UBE2V1: variants seen among roughly 807,000 people sequenced by gnomAD.
UBE2V1 encodes ubiquitin conjugating enzyme E2 V1, also known as ubiquitin-conjugating enzyme E2 variant 1.
UBE2V1 carries 15 observed loss-of-function variants against 19.6 expected under a neutral mutation model. The observed-to-expected ratio is 0.77, with a 90% CI of 0.51 to 1.18. The LOEUF (loss-of-function observed/expected upper bound fraction) is 1.18, where lower values mean the gene tolerates loss of function less well. UBE2V1 is among the 50% of genes most tolerant of loss of function. The pLI is 0.00. For missense variants in UBE2V1, 125 were observed against 184.8 expected (o/e 0.68, Z 1.88); for synonymous variants, 60 against 60.7 (o/e 0.99, Z 0.05).
chr20:50,093,720 G>A (rs1269965871), intron 2 of UBE2V1, among the ~76,000 whole-genome samples: 3 of 151,856 alleles, frequency 2.0e-5, no homozygotes, highest in East Asian at 3.9e-4. Context: ...GGCAGGGCGC[G>A]ATGGCTCACA....
chr20:50,100,046 C>T (rs905163790), intron 1 of UBE2V1, among the ~76,000 whole-genome samples: 2 of 151,370 alleles, frequency 1.3e-5, no homozygotes, highest in East Asian at 3.9e-4. Flanking sequence ...TGCAGTGAGG[C>T]GAGACTGCAC....
At chr20:50,091,150 G>A (rs1407663053) in intron 2 of UBE2V1, among the ~76,000 whole-genome samples, 2 of 152,096 alleles carry the variant, frequency 1.3e-5, no homozygotes, top group Non-Finnish European at 2.9e-5. Flanking sequence ...GGGTTCAAGC[G>A]ATTCTCCCTC....
At chr20:50,108,588 C>T (rs965913439) in intron 1 of UBE2V1, among the ~76,000 whole-genome samples, 1 of 152,182 alleles carries the variant, frequency 6.6e-6, no homozygotes, top group Non-Finnish European at 1.5e-5. Flanking sequence ...ACAATCGATA[C>T]CTGCCTCAAT....
In UBE2V1 at chr20:50,083,245, C is replaced by T. The variant is rs555411318; in HGVS notation, c.298-331G>A. Among the ~76,000 whole-genome samples the T allele has an allele frequency of 1.6e-3, 243 of 152,334 alleles. 7 individuals carry two copies. In the South Asian group the frequency reaches 0.047, roughly 30 times the overall value. ...TGCCGGGCTCAGGACCTGTCCTCTTCACTGCGCCCAGGTCAGGGGGACAGA... is the reference window on the plus strand; with the variant it reads ...TGCCGGGCTCAGGACCTGTCCTCTTTACTGCGCCCAGGTCAGGGGGACAGA... On this transcript the variant is annotated intron_variant, in intron 3 of 3. Transcript: ENST00000371674.
At chr20:50,084,351 G>A in intron 2 of UBE2V1, 97 bp from the exon 3 acceptor site, 1 of 1,596,932 alleles carries the variant, frequency 6.3e-7, no homozygotes, top group Non-Finnish European at 8.5e-7. Context: ...CTGTAGAACT[G>A]GTACATCTGC....
intron 1 of UBE2V1, among the ~76,000 whole-genome samples, chr20:50,112,250 T>G (rs1028201409): frequency 2.6e-5 from 4 of 152,146 alleles, no homozygotes; most frequent in East Asian, 1.9e-4. Context: ...GAATCCCCAC[T>G]CCCAAAGAGA....
At chr20:50,104,034 A>G (rs997573760) in intron 1 of UBE2V1, among the ~76,000 whole-genome samples, 2 of 151,822 alleles carry the variant, frequency 1.3e-5, no homozygotes, top group Non-Finnish European at 2.9e-5. Flanking sequence ...CTGTAATCCC[A>G]GCACTTTGGA....
chr20:50,107,375 T>C (rs2080456709), intron 1 of UBE2V1, among the ~76,000 whole-genome samples: 1 of 152,198 alleles, frequency 6.6e-6, no homozygotes, highest in Admixed American at 6.5e-5. Context: ...TAGCAAGCTG[T>C]CATTCTTTAC....
At chr20:50,087,949 T>C (rs2079016204) in intron 2 of UBE2V1, among the ~76,000 whole-genome samples, 1 of 152,046 alleles carries the variant, frequency 6.6e-6, no homozygotes, top group Non-Finnish European at 1.5e-5. Context: ...GTATAGCCTA[T>C]AAAAGCAGAC....
chr20:50,113,152 C>T (rs1296071734), upstream of UBE2V1: 1 of 1,329,510 alleles, frequency 7.5e-7, no homozygotes, highest in Non-Finnish European at 9.7e-7. Flanking sequence ...TGCTTGAAGG[C>T]CGGCCCCTTC....
intron 1 of UBE2V1, among the ~76,000 whole-genome samples, chr20:50,110,077 G>C (rs575402641): frequency 6.6e-6 from 1 of 152,222 alleles, no homozygotes; most frequent in Non-Finnish European, 1.5e-5. Context: ...AGGCCACTCC[G>C]ATGTATGCAA....
At chr20:50,113,196 T>A (rs2080895208), upstream of UBE2V1, 4 of 1,110,330 alleles carry the variant, frequency 3.6e-6, no homozygotes, top group South Asian at 1.1e-4. Context: ...CCGGCCCTGA[T>A]GCGCAGGCGC....
At chr20:50,104,415 T>C in intron 1 of UBE2V1, 1 of 942,634 alleles carries the variant, frequency 1.1e-6, no homozygotes, top group Non-Finnish European at 1.3e-6. Context: ...CCCAGCACTT[T>C]GGGAGGCCGA....
Position 50,092,172 on chromosome 20 carries a change from A to C in UBE2V1, c.171+4500T>G, listed in dbSNP as rs1429147812. 5.9e-5 allele frequency among the ~76,000 whole-genome samples: 9 copies of C among 151,476 alleles called. 1 individual carries two copies. The highest frequency in any genetic ancestry group is 2.2e-4 in the African/African-American group (9 of 41,270). ...ACCTGTCTCTACTAAAAATATAAAA[A>C]TTAGCCGGGTGTGGTGGTATGTGCC... On this transcript the variant is annotated intron_variant, in intron 2 of 3. Transcript: ENST00000371674.
At chr20:50,102,451 T>A (rs1186614706) in intron 1 of UBE2V1, among the ~76,000 whole-genome samples, 3 of 152,234 alleles carry the variant, frequency 2.0e-5, no homozygotes, top group African/African-American at 2.4e-5. Context: ...TGGGGTGTCA[T>A]GACCCAGAAT....
At chr20:50,087,289 G>C (rs1253814886) in intron 2 of UBE2V1, among the ~76,000 whole-genome samples, 1 of 151,376 alleles carries the variant, frequency 6.6e-6, no homozygotes, top group Non-Finnish European at 1.5e-5. Flanking sequence ...CCAGCTAACC[G>C]GGGGGCTGAG....
intron 1 of UBE2V1, among the ~76,000 whole-genome samples, chr20:50,110,808 C>T (rs2080704293): frequency 6.6e-6 from 1 of 152,150 alleles, no homozygotes; most frequent in Admixed American, 6.5e-5. Context: ...ACATGAAGGC[C>T]TTTTATCCTG....
intron 2 of UBE2V1, chr20:50,096,421 C>T (rs1568993161): frequency 1.2e-6 from 1 of 857,498 alleles, no homozygotes; most frequent in Non-Finnish European, 1.7e-6. Context: ...AATGACTTCA[C>T]ACCTCACTGT....
At chr20:50,112,088 G>A (rs550538363) in intron 1 of UBE2V1, among the ~76,000 whole-genome samples, 1 of 152,312 alleles carries the variant, frequency 6.6e-6, no homozygotes, top group East Asian at 1.9e-4. Flanking sequence ...ATTATTAAAG[G>A]AGTCGATGAG....
Sources: allele counts gnomAD v4.1 joint callset (sites outside exome capture counted in the v4.1 genomes callset), GRCh38; gene constraint gnomAD v4.1.1; transcripts MANE v1.5; gene names NCBI Gene and HGNC (gene_info 2026-07-23, HGNC 2026-07-21).